HTT: variants seen among roughly 807,000 people sequenced by gnomAD.
The protein encoded by HTT is huntington disease protein.
A neutral mutation model predicts 362.3 loss-of-function variants in HTT; 104 were observed. That is an observed-to-expected ratio of 0.29 (90% confidence interval 0.24 to 0.34). The LOEUF is 0.34. Among genes scored for constraint, HTT ranks in the 10% least tolerant of loss-of-function variants. The pLI is 1.00. For synonymous variants in HTT, 1,577 were observed against 1,548.7 expected, an observed-to-expected ratio of 1.02 and a Z score of -0.43; for missense variants, 3,301 against 3,928.6, an observed-to-expected ratio of 0.84 and a Z score of 4.27.
At chr4:3,147,918 A>T in intron 25 of HTT, 87 bp from the exon 26 acceptor site, 1 of 1,030,524 alleles carries the variant, frequency 9.7e-7, no homozygotes, top group Non-Finnish European at 1.4e-6. Flanking sequence ...CTCTCAACAT[A>T]GGGTCTTAAA....
At chr4:3,129,041 G>A (rs916008860) in intron 12 of HTT, 3 of 152,188 alleles carry the variant, frequency 2.0e-5, no homozygotes, top group Admixed American at 1.3e-4. Context: ...GTTTTACTTA[G>A]CATAATGTCC....
Position 3,235,646 on chromosome 4 carries a change from C to A in HTT, c.8653C>A (p.Leu2885Ile). 6.2e-7 allele frequency: 1 copy of A among 1,613,846 alleles called. No individual in the cohort carries two copies. The highest frequency in any genetic ancestry group is 8.5e-7 in the Non-Finnish European group (1 of 1,180,016). ...YHCALRGLER[L>I]LLSEQLSRLD... Reference sequence around the variant, plus strand: ...CTGTGCCCTCAGAGGCCTGGAGCGCCTCCTGCTCTCTGAGCAGCTCTCCCG... The same window carrying A: ...CTGTGCCCTCAGAGGCCTGGAGCGCATCCTGCTCTCTGAGCAGCTCTCCCG... Residue 2885 changes from leucine (L) to isoleucine (I), a missense_variant, in exon 63 of 67, where the codon CTC (leucine) becomes ATC (isoleucine). Transcript: ENST00000355072.
chr4:3,083,564 CACACACACACACACACACACACAT>C (rs1452287815), intron 1 of HTT, among the ~76,000 whole-genome samples: 2 of 128,364 alleles, frequency 1.6e-5, no homozygotes, highest in Admixed American at 1.5e-4. Context: ...CACACACACA[CACACACACACACACACACACACAT>C]ATATATGTAT....
intron 29 of HTT, among the ~76,000 whole-genome samples, chr4:3,164,555 G>C (rs1560575709): frequency 6.6e-6 from 1 of 151,326 alleles, no homozygotes; most frequent in Non-Finnish European, 1.5e-5. Context: ...TACCGGGTGG[G>C]AGTCTCTTTG....
At chr4:3,133,540 A>C (rs573310405) in intron 18 of HTT, among the ~76,000 whole-genome samples, 5 of 142,826 alleles carry the variant, frequency 3.5e-5, no homozygotes, top group South Asian at 2.2e-4. Context: ...AAAAAAAAAA[A>C]AAACCACTGT....
intron 2 of HTT, among the ~76,000 whole-genome samples, chr4:3,092,441 T>G (rs1713565960): frequency 1.3e-5 from 2 of 152,220 alleles, no homozygotes; most frequent in Non-Finnish European, 1.5e-5. Flanking sequence ...CAGGATGCAG[T>G]TGCACAATCA....
At chr4:3,079,215 C>T (rs1031473938) in intron 1 of HTT, among the ~76,000 whole-genome samples, 9 of 148,846 alleles carry the variant, frequency 6.0e-5, no homozygotes, top group East Asian at 2.0e-4. Flanking sequence ...ATTTTAAATA[C>T]GGTGTTCAGG....
rs1418186998 is a variant in HTT, at chr4:3,131,698, G to A, written c.2159G>A (p.Gly720Glu). The A allele has an allele frequency of 6.2e-7, 1 of 1,613,688 alleles. No individual in the cohort carries two copies. Among genetic ancestry groups the A allele is most frequent in the Non-Finnish European group, 8.5e-7 (1 of 1,179,646 alleles). ...AAGGCCCTGGCCCTCAGCTGTGTGG[G>A]AGCAGCTGTGGCCCTCCACCCGGAA... ...SVKALALSCV[G>E]AAVALHPESF... The change falls in exon 16 of 67, where the codon GGA (glycine) becomes GAA (glutamate). Residue 720 changes from glycine to glutamate, a missense_variant. Coordinates refer to ENST00000355072, the MANE Select transcript of HTT (RefSeq NM_001388492.1).
intron 38 of HTT, 82 bp from the exon 39 acceptor site, chr4:3,187,569 T>G (rs1718825596): frequency 4.2e-6 from 4 of 953,322 alleles, no homozygotes; most frequent in Non-Finnish European, 6.7e-6. Flanking sequence ...AGGAGTTATT[T>G]TCTTTCACAA....
intron 29 of HTT, among the ~76,000 whole-genome samples, chr4:3,163,827 C>T (rs1344810110): frequency 6.6e-6 from 1 of 152,038 alleles, no homozygotes; most frequent in Non-Finnish European, 1.5e-5. Flanking sequence ...CTTTATTAGT[C>T]TTGCTAGCGG....
At chr4:3,109,632 A>G (rs547569774) in intron 6 of HTT, among the ~76,000 whole-genome samples, 1 of 152,100 alleles carries the variant, frequency 6.6e-6, no homozygotes, top group South Asian at 2.1e-4. Flanking sequence ...GTACGTTATT[A>G]TGCCTAAGTA....
intron 6 of HTT, chr4:3,113,049 A>C: frequency 2.1e-6 from 2 of 972,708 alleles, no homozygotes; most frequent in Non-Finnish European, 1.2e-6. Flanking sequence ...AAGTACTCTT[A>C]CAGGTATGTT....
intron 59 of HTT, among the ~76,000 whole-genome samples, chr4:3,229,554 A>G (rs745953926): frequency 6.7e-6 from 1 of 149,846 alleles, no homozygotes; most frequent in South Asian, 2.1e-4. Context: ...ACACACATGC[A>G]CCACACACAT....
chr4:3,146,568 T>C (rs1424909110), intron 24 of HTT, among the ~76,000 whole-genome samples: 1 of 152,216 alleles, frequency 6.6e-6, no homozygotes, highest in African/African-American at 2.4e-5. Context: ...CATTGGACAC[T>C]TAGGCCCCAA....
chr4:3,167,061 G>C (rs770130874), intron 29 of HTT, among the ~76,000 whole-genome samples: 2 of 152,176 alleles, frequency 1.3e-5, no homozygotes, highest in Admixed American at 6.5e-5. Flanking sequence ...GTTCCTATTC[G>C]GCCATTTTGG....
In HTT at chr4:3,157,205, G is replaced by T; in HGVS notation, c.3753+6G>T. ...CTACACACGCTAACTACAAGGTATG[G>T]GCCTCTGCATCTTTTAAAAATATAT... is the stretch of plus-strand genomic sequence containing the variant. On this transcript the variant is annotated splice_donor_region_variant and intron_variant, in intron 28 of 66. Coordinates refer to ENST00000355072, the MANE Select transcript of HTT (RefSeq NM_001388492.1). 6.2e-7 allele frequency: 1 copy of T among 1,608,758 alleles called. No individual in the cohort carries two copies. Among genetic ancestry groups the T allele is most frequent in the South Asian group, 1.1e-5 (1 of 89,902 alleles).
intron 21 of HTT, among the ~76,000 whole-genome samples, chr4:3,137,492 A>G (rs1419274361): frequency 6.6e-6 from 1 of 152,006 alleles, no homozygotes; most frequent in Non-Finnish European, 1.5e-5. Flanking sequence ...TGAGGTCAGG[A>G]GTTCGAGACC....
chr4:3,074,881 AGCAGCAGCAG>A lies in HTT; in HGVS notation c.57_66del (p.Gln19HisfsTer79). On this transcript the variant is annotated frameshift_variant, in exon 1 of 67. Coordinates refer to ENST00000355072, the MANE Select transcript of HTT (RefSeq NM_001388492.1). LOFTEE classifies it high-confidence loss of function. ...TTCGAGTCCCTCAAGTCCTTCCAGC[AGCAGCAGCAG>A]CAGCAGCAGCAGCAGCAGCAGCAGC... 1 of 492,778 alleles carries A rather than the reference AGCAGCAGCAG, an allele frequency of 2.0e-6. No homozygotes were observed. Among genetic ancestry groups the A allele is most frequent in the Non-Finnish European group, 2.6e-6 (1 of 378,460 alleles). The allele number at this position is 492,778 out of a possible 1,614,324, so 30.5% of individuals were successfully genotyped here.
intron 6 of HTT, among the ~76,000 whole-genome samples, chr4:3,107,715 A>G (rs10015979): frequency 0.31 from 47,303 of 152,066 alleles, 8,588 homozygotes; most frequent in South Asian, 0.55. Context: ...TGACTCTTTA[A>G]CCTAGCTGCG....
Sources: allele counts gnomAD v4.1 joint callset (sites outside exome capture counted in the v4.1 genomes callset), GRCh38; gene constraint gnomAD v4.1.1; transcripts MANE v1.5; gene names NCBI Gene and HGNC (gene_info 2026-07-23, HGNC 2026-07-21).